MYCBP2: variants seen among roughly 807,000 people sequenced by gnomAD.
MYCBP2 encodes E3 ubiquitin-protein ligase MYCBP2.
In MYCBP2, 120 loss-of-function variants were observed where a neutral mutation model predicts 525.3. That is an observed-to-expected ratio of 0.23 (90% confidence interval 0.20 to 0.27). The LOEUF is 0.27. MYCBP2 is among the 10% of genes least tolerant of loss of function. MYCBP2 has a pLI of 1.00. For missense variants in MYCBP2, 4,149 were observed against 5,657.1 expected (o/e 0.73, Z 8.55); for synonymous variants, 1,894 against 1,955.8 (o/e 0.97, Z 0.83).
chr13:77,150,955 C>T lies in MYCBP2; in HGVS notation c.6916-6G>A. On this transcript the variant is annotated splice_polypyrimidine_tract_variant and splice_region_variant and intron_variant, in intron 46 of 82. Coordinates refer to ENST00000544440, the MANE Select transcript of MYCBP2 (RefSeq NM_015057.5). ...GGGACAGCTTTCACTTCCACCTAAA[C>T]ATGGTATTATAGAAACCAAATACCA... The T allele has an allele frequency of 6.2e-7, 1 of 1,611,282 alleles. No homozygotes were observed. Among genetic ancestry groups the T allele is most frequent in the Non-Finnish European group, 8.5e-7 (1 of 1,177,630 alleles).
intron 58 of MYCBP2, among the ~76,000 whole-genome samples, chr13:77,094,324 G>A (rs2045909454): frequency 6.6e-6 from 1 of 152,116 alleles, no homozygotes; most frequent in Non-Finnish European, 1.5e-5. Flanking sequence ...AGTACAGGCT[G>A]CACCACTGAG....
At chr13:77,262,974 C>G (rs768862660) in intron 10 of MYCBP2, among the ~76,000 whole-genome samples, 2 of 151,916 alleles carry the variant, frequency 1.3e-5, no homozygotes, top group Non-Finnish European at 2.9e-5. Context: ...ATGGATCTTG[C>G]AAAGAACCCT....
intron 26 of MYCBP2, among the ~76,000 whole-genome samples, chr13:77,201,677 A>C (rs1206118549): frequency 6.6e-6 from 1 of 151,638 alleles, no homozygotes; most frequent in Non-Finnish European, 1.5e-5. Context: ...AAAGAACAGA[A>C]ATTATAACAA....
At position 77,050,112 on chromosome 13, in the gene MYCBP2, C is replaced by T. The variant is rs572874060; in HGVS notation, c.13921+885G>A. On this transcript the variant is annotated intron_variant, in intron 82 of 82. Coordinates refer to ENST00000544440, the MANE Select transcript of MYCBP2 (RefSeq NM_015057.5). ...TCATAGCAAAGCTGTAGTTAATAAC[C>T]TTGTTTATTTGCCCTTTTTTACTGT... is the stretch of plus-strand genomic sequence containing the variant. Among the ~76,000 whole-genome samples the T allele has an allele frequency of 8.2e-4, 124 of 151,708 alleles. 2 individuals are homozygous for T. The South Asian group carries it at 0.025, about 31-fold the overall frequency.
intron 8 of MYCBP2, among the ~76,000 whole-genome samples, chr13:77,265,894 T>A (rs1459567093): frequency 6.6e-6 from 1 of 152,188 alleles, no homozygotes; most frequent in Non-Finnish European, 1.5e-5. Flanking sequence ...TCAAGCAACA[T>A]CTGCCAGTTC....
At chr13:77,245,371 A>G (rs1474144556) in intron 15 of MYCBP2, among the ~76,000 whole-genome samples, 1 of 152,194 alleles carries the variant, frequency 6.6e-6, no homozygotes, top group Non-Finnish European at 1.5e-5. Flanking sequence ...CTCATCAATG[A>G]TAGGTTGGAT....
At chr13:77,225,268 T>C (rs2066096861) in intron 19 of MYCBP2, among the ~76,000 whole-genome samples, 167 bp downstream of exon 19, 1 of 152,176 alleles carries the variant, frequency 6.6e-6, no homozygotes, top group Admixed American at 6.5e-5. Flanking sequence ...ATGCCATAGT[T>C]GTTTAAAGAG....
At chr13:77,109,689 G>T (rs1022044219) in intron 55 of MYCBP2, 7 of 151,732 alleles carry the variant, frequency 4.6e-5, no homozygotes, top group African/African-American at 1.7e-4. Context: ...AAAACCACTG[G>T]AATGAGTTAG....
At chr13:77,102,518 T>G (rs998895180) in intron 55 of MYCBP2, among the ~76,000 whole-genome samples, 2 of 151,476 alleles carry the variant, frequency 1.3e-5, no homozygotes, top group African/African-American at 2.4e-5. Flanking sequence ...AAATAATACT[T>G]TAAGACAAAA....
intron 26 of MYCBP2, among the ~76,000 whole-genome samples, chr13:77,198,036 T>C (rs1593757623): frequency 6.6e-6 from 1 of 152,180 alleles, no homozygotes; most frequent in East Asian, 1.9e-4. Context: ...CTCTTAGAGC[T>C]AGAAAAAAAA....
At chr13:77,288,028 T>C in intron 3 of MYCBP2, 133 bp downstream of exon 3, 1 of 831,298 alleles carries the variant, frequency 1.2e-6, no homozygotes. Context: ...AATCTATTTT[T>C]GCCCATAAGC....
Position 77,077,378 on chromosome 13 carries a change from C to G in MYCBP2, c.11494G>C (p.Asp3832His). ...GTTACCCAGCCAATGTGCCTGGAAT[C>G]CAGATCAACCTGGTTGAGTAGAAAA... ...DLCRIKQVDL[D>H]SRHIGWVTSE... Residue 3832 changes from aspartate to histidine, a missense_variant, in exon 67 of 83, where the codon GAT becomes CAT. This residue lies in a region of MYCBP2 where 509 missense variants were observed against 789.4 expected (regional missense o/e 0.64). Coordinates refer to ENST00000544440, the MANE Select transcript of MYCBP2 (RefSeq NM_015057.5). 6.2e-7 allele frequency: 1 copy of G among 1,613,908 alleles called. No individual in the cohort carries two copies. The highest frequency in any genetic ancestry group is 8.5e-7 in the Non-Finnish European group (1 of 1,179,868).
intron 4 of MYCBP2, among the ~76,000 whole-genome samples, chr13:77,276,361 C>T (rs888645598): frequency 2.6e-5 from 4 of 151,034 alleles, no homozygotes; most frequent in African/African-American, 7.3e-5. Context: ...AAAGGATAAC[C>T]AATAAGATTG....
At chr13:77,121,344 A>G (rs768976350) in intron 55 of MYCBP2, 29 bp downstream of exon 55, 1 of 1,470,652 alleles carries the variant, frequency 6.8e-7, no homozygotes, top group Non-Finnish European at 9.1e-7. Flanking sequence ...GAAGTTAGGT[A>G]AGTAAAAGAC....
Position 77,166,522 on chromosome 13 carries a change from T to C in MYCBP2, c.6147A>G (p.Thr2049=), listed in dbSNP as rs146633340. ...TACCACACTGAGGGTCAAATTCGAT[T>C]GTCATCCACCTCACACATTCTGGGA... ...VTFPECVRWM[T]IEFDPQCGTA... The change falls in exon 41 of 83, where the codon ACA becomes ACG. Residue 2049 remains threonine (T), a synonymous_variant. Transcript: ENST00000544440. The C allele has an allele frequency of 1.2e-6, 2 of 1,613,468 alleles. No homozygotes were observed. The highest frequency in any genetic ancestry group is 3.3e-5 in the Admixed American group (2 of 59,928).
chr13:77,138,852 T>C (rs912161637), intron 52 of MYCBP2, among the ~76,000 whole-genome samples: 2 of 152,220 alleles, frequency 1.3e-5, no homozygotes, highest in Non-Finnish European at 2.9e-5. Context: ...TCATAAACTT[T>C]AGTTTGGAAT....
Position 77,058,478 on chromosome 13 carries a change from A to T in MYCBP2, c.13141-72T>A. 7.6e-7 allele frequency: 1 copy of T among 1,315,334 alleles called. No homozygotes were observed. Among genetic ancestry groups the T allele is most frequent in the Non-Finnish European group, 1.0e-6 (1 of 987,948 alleles). 81.5% of individuals were successfully genotyped at this position (1,315,334 alleles called of 1,614,324 possible). On this transcript the variant is annotated intron_variant, in intron 77 of 82. Transcript: ENST00000544440. This position sits in a 1 kb window ranked among gnomAD's most constrained non-coding sequence, Gnocchi z 4.1. ...ACATTCTGGTAATTTTCCTTATTATATAAATTTCCAAAGATTACTTTCCCA... is the reference window on the plus strand; with the variant it reads ...ACATTCTGGTAATTTTCCTTATTATTTAAATTTCCAAAGATTACTTTCCCA...
At chr13:77,247,528 C>T (rs1408752509) in intron 15 of MYCBP2, among the ~76,000 whole-genome samples, 1 of 152,176 alleles carries the variant, frequency 6.6e-6, no homozygotes, top group African/African-American at 2.4e-5. Context: ...TCATTGTAAT[C>T]CCTATCAAAA....
intron 41 of MYCBP2, 61 bp from the exon 42 acceptor site, chr13:77,165,452 CT>C: frequency 8.2e-7 from 1 of 1,223,064 alleles, no homozygotes; most frequent in Non-Finnish European, 1.2e-6. Context: ...ATTTCCCTGT[CT>C]TTTATCCAAT....
Sources: allele counts gnomAD v4.1 joint callset (sites outside exome capture counted in the v4.1 genomes callset), GRCh38; gene constraint gnomAD v4.1.1; regional missense constraint gnomAD v4.1.1; non-coding constraint Gnocchi (gnomAD v3.1); transcripts MANE v1.5; gene names NCBI Gene and HGNC (gene_info 2026-07-23, HGNC 2026-07-21).